Variants in CDH13 observed in about 807,000 individuals in gnomAD.
CDH13 encodes the protein cadherin 13.
In CDH13, 24 loss-of-function variants were observed where a neutral mutation model predicts 63.8. That is an observed-to-expected ratio of 0.38 (90% CI 0.27 to 0.53). The LOEUF is 0.53. CDH13 is among the 20% of genes least tolerant of loss of function. The pLI is 0.85. For missense variants in CDH13, 1,049 were observed against 903.1 expected, an observed-to-expected ratio of 1.16 and a Z score of -2.07; for synonymous variants, 503 against 355.3, an observed-to-expected ratio of 1.42 and a Z score of -4.67.
At chr16:82,670,039 C>G (rs1196977803) in intron 1 of CDH13, among the ~76,000 whole-genome samples, 1 of 152,212 alleles carries the variant, frequency 6.6e-6, no homozygotes, top group Non-Finnish European at 1.5e-5. Context: ...GACTGGAAAG[C>G]AGCCCCTGTT....
At chr16:82,934,809 C>A (rs1455067759) in intron 2 of CDH13, among the ~76,000 whole-genome samples, 2 of 152,210 alleles carry the variant, frequency 1.3e-5, no homozygotes, top group African/African-American at 4.8e-5. Flanking sequence ...CAACAAGTTC[C>A]TCATCTCTGT....
intron 6 of CDH13, among the ~76,000 whole-genome samples, chr16:83,392,255 G>A (rs1347303226): frequency 6.6e-6 from 1 of 152,192 alleles, no homozygotes; most frequent in Non-Finnish European, 1.5e-5. Context: ...TCTGTGATAT[G>A]GGTGCATGGA....
chr16:82,908,700 G>A (rs2041727039), intron 2 of CDH13, among the ~76,000 whole-genome samples: 2 of 151,908 alleles, frequency 1.3e-5, no homozygotes, highest in Admixed American at 6.6e-5. Flanking sequence ...ATCACCCCTC[G>A]GTATCTGTGG....
At chr16:83,135,527 T>G (rs2036241839) in intron 4 of CDH13, among the ~76,000 whole-genome samples, 1 of 152,184 alleles carries the variant, frequency 6.6e-6, no homozygotes, top group South Asian at 2.1e-4. Context: ...TGAGTTGCCT[T>G]TCTGTGTCAC....
At chr16:83,621,201 C>G (rs7196669) in intron 8 of CDH13, among the ~76,000 whole-genome samples, 7 of 152,076 alleles carry the variant, frequency 4.6e-5, no homozygotes, top group African/African-American at 1.7e-4. Flanking sequence ...TAGCAATTTA[C>G]CAGTCCAGTG....
chr16:83,034,991 G>C (rs1462518600), intron 3 of CDH13, among the ~76,000 whole-genome samples: 1 of 152,096 alleles, frequency 6.6e-6, no homozygotes, highest in African/African-American at 2.4e-5. Flanking sequence ...GACTTCAGCA[G>C]AATGGGGCAT....
chr16:83,780,526 A>C (rs1436094820), intron 12 of CDH13, among the ~76,000 whole-genome samples: 2 of 152,118 alleles, frequency 1.3e-5, no homozygotes, highest in Non-Finnish European at 2.9e-5. Context: ...TAAAATTTTC[A>C]TATATTTAGG....
intron 3 of CDH13, among the ~76,000 whole-genome samples, chr16:83,096,549 C>T (rs890093685): frequency 1.8e-4 from 27 of 152,188 alleles, no homozygotes; most frequent in Admixed American, 3.9e-4. Flanking sequence ...ATTGCCACCA[C>T]GACTCATGAT....
chr16:83,456,287 T>C (rs2073022822), intron 6 of CDH13, among the ~76,000 whole-genome samples: 2 of 152,190 alleles, frequency 1.3e-5, no homozygotes, highest in Admixed American at 6.5e-5. Flanking sequence ...CTAAATCGAA[T>C]GGACCAGGGC....
At chr16:82,704,555 C>A (rs116135119) in intron 1 of CDH13, among the ~76,000 whole-genome samples, 37 of 152,310 alleles carry the variant, frequency 2.4e-4, no homozygotes, top group African/African-American at 8.2e-4. Context: ...CAGTGCCTTG[C>A]TATTGGTGCT....
chr16:82,875,936 G>T (rs1197038894), intron 2 of CDH13, among the ~76,000 whole-genome samples: 1 of 152,188 alleles, frequency 6.6e-6, no homozygotes, highest in Non-Finnish European at 1.5e-5. Flanking sequence ...TGAGTGGGGA[G>T]GCCTCACAAT....
intron 1 of CDH13, among the ~76,000 whole-genome samples, chr16:82,705,748 A>T (rs1053511065): frequency 6.6e-6 from 1 of 152,184 alleles, no homozygotes; most frequent in East Asian, 1.9e-4. Flanking sequence ...GGCTGTGCTT[A>T]TGTCAGCCTT....
chr16:83,287,826 T>C (rs2089359047), intron 5 of CDH13, among the ~76,000 whole-genome samples: 1 of 152,168 alleles, frequency 6.6e-6, no homozygotes, highest in Admixed American at 6.5e-5. Flanking sequence ...CCAAATAGGT[T>C]TGGGACCTCT....
chr16:82,898,664 C>G (rs999099094), intron 2 of CDH13, among the ~76,000 whole-genome samples: 1 of 152,130 alleles, frequency 6.6e-6, no homozygotes, highest in Non-Finnish European at 1.5e-5. Flanking sequence ...GGAATGTTTA[C>G]AGAGGTGGGA....
At chr16:83,472,709 G>A (rs553397359) in intron 6 of CDH13, among the ~76,000 whole-genome samples, 1 of 152,146 alleles carries the variant, frequency 6.6e-6, no homozygotes, top group Non-Finnish European at 1.5e-5. Flanking sequence ...GAACACATGG[G>A]GAAGAGCATT....
At chr16:82,711,076 G>T (rs938569741) in intron 1 of CDH13, among the ~76,000 whole-genome samples, 1 of 151,890 alleles carries the variant, frequency 6.6e-6, no homozygotes, top group African/African-American at 2.4e-5. Context: ...TGCCCGGACC[G>T]CATTATGTCT....
chr16:82,943,775 A>T (rs1904387610), intron 2 of CDH13, among the ~76,000 whole-genome samples: 1 of 152,234 alleles, frequency 6.6e-6, no homozygotes, highest in Non-Finnish European at 1.5e-5. Context: ...GATGTCTCTC[A>T]AGGTAGTGTC....
chr16:83,059,569 A>T (rs937493039), intron 3 of CDH13, among the ~76,000 whole-genome samples: 4 of 152,124 alleles, frequency 2.6e-5, no homozygotes, highest in Non-Finnish European at 5.9e-5. Flanking sequence ...AGATTCCATC[A>T]TTCAGAGCAG....
intron 12 of CDH13, among the ~76,000 whole-genome samples, chr16:83,780,598 A>C (rs893322188): frequency 6.6e-6 from 1 of 152,204 alleles, no homozygotes; most frequent in Middle Eastern, 3.2e-3. Context: ...GGCTTTTACT[A>C]TCCCCATCAC....
Sources: allele counts gnomAD v4.1 joint callset (sites outside exome capture counted in the v4.1 genomes callset), GRCh38; gene constraint gnomAD v4.1.1; transcripts MANE v1.5; gene names NCBI Gene and HGNC (gene_info 2026-07-23, HGNC 2026-07-21).